ARHGAP35: variants seen among roughly 807,000 people sequenced by gnomAD.
ARHGAP35 encodes the protein rho GTPase-activating protein 35.
ARHGAP35 carries 15 observed loss-of-function variants against 111.1 expected under a neutral mutation model. That is an observed-to-expected ratio of 0.13 (90% CI 0.09 to 0.21). ARHGAP35 has a LOEUF of 0.21. Ranked by LOEUF, ARHGAP35 falls within the 10% of genes least tolerant of loss-of-function variation. The pLI, the probability that ARHGAP35 is intolerant of heterozygous loss-of-function variation, is 1.00. For missense variants in ARHGAP35, 1,262 were observed against 1,873.0 expected (o/e 0.67, Z 6.02); for synonymous variants, 643 against 710.3 (o/e 0.91, Z 1.51).
chr19:46,879,977 T>C (rs2055951535), intron 1 of ARHGAP35, among the ~76,000 whole-genome samples: 1 of 150,604 alleles, frequency 6.6e-6, no homozygotes, highest in Admixed American at 6.6e-5. Flanking sequence ...TCCCAGAAAC[T>C]TGGGAGGTTG....
At chr19:46,861,919 C>T (rs538519455) in intron 1 of ARHGAP35, among the ~76,000 whole-genome samples, 7 of 86,700 alleles carry the variant, frequency 8.1e-5, no homozygotes, top group African/African-American at 3.8e-4. Flanking sequence ...GCCCTACTAC[C>T]CGCATTTCTT....
chr19:46,933,490 C>T (rs2056285910), intron 2 of ARHGAP35, among the ~76,000 whole-genome samples: 1 of 151,966 alleles, frequency 6.6e-6, no homozygotes, highest in Non-Finnish European at 1.5e-5. Flanking sequence ...TTTATTTATT[C>T]TCTCCATCTC....
chr19:46,920,824 T>C lies in ARHGAP35; in HGVS notation c.2149T>C (p.Leu717=). 4 of 1,612,694 alleles carry C rather than the reference T, an allele frequency of 2.5e-6. No individual in the cohort carries two copies. The highest frequency in any genetic ancestry group is 3.4e-6 in the Non-Finnish European group (4 of 1,179,274). ...CACCAGTGGAGAGACTCTGCATAGCTTAATACAGCAAGGTCAACAAATTGC... is the reference window on the plus strand; with the variant it reads ...CACCAGTGGAGAGACTCTGCATAGCCTAATACAGCAAGGTCAACAAATTGC... ...GDTSGETLHS[L]IQQGQQIASK... Residue 717 remains leucine, a synonymous_variant, in exon 2 of 7, where the codon TTA becomes CTA. Transcript: ENST00000672722. This position sits in a 1 kb window ranked among gnomAD's most constrained non-coding sequence, Gnocchi z 7.0.
At chr19:46,910,688 C>T (rs1216507180) in intron 1 of ARHGAP35, among the ~76,000 whole-genome samples, 1 of 152,152 alleles carries the variant, frequency 6.6e-6, no homozygotes, top group East Asian at 1.9e-4. Context: ...CTCCTGTGCT[C>T]AAGTGATCCT....
chr19:46,889,777 G>C (rs1357189322), intron 1 of ARHGAP35, among the ~76,000 whole-genome samples: 1 of 144,698 alleles, frequency 6.9e-6, no homozygotes, highest in Non-Finnish European at 1.5e-5. Flanking sequence ...AAAAAGAGTA[G>C]AGGCCATTGT....
chr19:46,999,537 G>T lies in ARHGAP35; in HGVS notation c.4142+128G>T. 2 of 655,286 alleles carry T rather than the reference G, an allele frequency of 3.1e-6. No individual in the cohort carries two copies. The highest frequency in any genetic ancestry group is 5.2e-6 in the Non-Finnish European group (2 of 384,382). The allele number at this position is 655,286 out of a possible 1,614,324, so 40.6% of individuals were successfully genotyped here. On this transcript the variant is annotated intron_variant, in intron 6 of 6. Transcript: ENST00000672722. This position sits in a 1 kb window ranked among gnomAD's most constrained non-coding sequence, Gnocchi z 5.4. ...AGGCCCTGGCCTGGAAGGGGTGCTGGCTGGCCTCCCATGGTGCCCGCTGGT... is the reference window on the plus strand; with the variant it reads ...AGGCCCTGGCCTGGAAGGGGTGCTGTCTGGCCTCCCATGGTGCCCGCTGGT...
At chr19:46,978,593 TG>T (rs1184719981) in intron 3 of ARHGAP35, among the ~76,000 whole-genome samples, 80 of 77,900 alleles carry the variant, frequency 1.0e-3, no homozygotes, top group African/African-American at 3.0e-3. Flanking sequence ...GTGGGGCGTG[TG>T]GGGGGGGTGT....
Position 46,983,151 on chromosome 19 carries a change from G to T in ARHGAP35, c.3827-4838G>T, listed in dbSNP as rs375206287. 4.0e-5 allele frequency among the ~76,000 whole-genome samples: 6 copies of T among 148,178 alleles called. No individual in the cohort carries two copies. The East Asian group carries it at 1.2e-3, about 30-fold the overall frequency. On this transcript the variant is annotated intron_variant, in intron 3 of 6. Coordinates refer to ENST00000672722, the MANE Select transcript of ARHGAP35 (RefSeq NM_004491.5). ...TGGCTGGAGCCCCCGCACCTGCACC[G>T]TAACAGGCCCTCCAGGTGACTCTGC... is the stretch of plus-strand genomic sequence containing the variant.
In ARHGAP35 at chr19:46,875,402, C is replaced by T. The variant is rs201843629; in HGVS notation, c.-189+14193C>T. 1.1e-4 allele frequency among the ~76,000 whole-genome samples: 16 copies of T among 152,216 alleles called. No individual in the cohort carries two copies. The East Asian group carries it at 3.1e-3, about 29-fold the overall frequency. ...ATGACCTGACAGGTCAGTAGGAGCT[C>T]AGTCTTCATTGAATAAAAGTATGAG... On this transcript the variant is annotated intron_variant, in intron 1 of 6. Coordinates refer to ENST00000672722, the MANE Select transcript of ARHGAP35 (RefSeq NM_004491.5).
chr19:46,974,555 G>C (rs1216137381), intron 3 of ARHGAP35, among the ~76,000 whole-genome samples: 1 of 152,152 alleles, frequency 6.6e-6, no homozygotes, highest in Non-Finnish European at 1.5e-5. Context: ...GATTCACCAG[G>C]AGCTTCTGTG....
chr19:46,895,513 G>A (rs2056049993), intron 1 of ARHGAP35, among the ~76,000 whole-genome samples: 1 of 152,226 alleles, frequency 6.6e-6, no homozygotes, highest in South Asian at 2.1e-4. Context: ...GGGAAATTAA[G>A]AAAAGTGCAC....
intron 1 of ARHGAP35, among the ~76,000 whole-genome samples, chr19:46,916,078 G>A (rs1226985334): frequency 6.6e-6 from 1 of 151,902 alleles, no homozygotes; most frequent in African/African-American, 2.4e-5. Context: ...GGGACTACAG[G>A]TGCCCACCTC....
At chr19:46,973,262 C>T (rs1189910713) in intron 3 of ARHGAP35, among the ~76,000 whole-genome samples, 1 of 152,214 alleles carries the variant, frequency 6.6e-6, no homozygotes, top group Non-Finnish European at 1.5e-5. Context: ...ACTCAGGAGG[C>T]TGAGGCAGGA....
In ARHGAP35 at chr19:46,992,168, A is replaced by C. The variant is rs1442743929; in HGVS notation, c.4036+2493A>C. 6.6e-6 allele frequency among the ~76,000 whole-genome samples: 1 copy of C among 152,136 alleles called. No individual in the cohort carries two copies. The highest frequency in any genetic ancestry group is 2.4e-5 in the African/African-American group (1 of 41,394). On this transcript the variant is annotated intron_variant, in intron 5 of 6. Transcript: ENST00000672722. The surrounding 1 kb of genome is among the most constrained non-coding windows in gnomAD (Gnocchi z 4.4). ...CCTAGGCTGGGCCCGGCTCTCCACG[A>C]GGCACTTGATTCCCACCACTGATCT...
At chr19:46,924,082 CT>C (rs1368501120) in intron 2 of ARHGAP35, among the ~76,000 whole-genome samples, 2 of 152,126 alleles carry the variant, frequency 1.3e-5, no homozygotes, top group African/African-American at 2.4e-5. Context: ...CACGTTAAAG[CT>C]TTTGCTACTC....
At chr19:46,910,484 G>T (rs1013787931) in intron 1 of ARHGAP35, among the ~76,000 whole-genome samples, 1 of 151,058 alleles carries the variant, frequency 6.6e-6, no homozygotes, top group Admixed American at 6.6e-5. Flanking sequence ...GTATTTTGGG[G>T]TTTCACCATG....
intron 1 of ARHGAP35, among the ~76,000 whole-genome samples, chr19:46,877,052 C>A (rs913220094): frequency 1.3e-5 from 2 of 149,992 alleles, no homozygotes; most frequent in Admixed American, 1.3e-4. Context: ...GAGTTCGAGA[C>A]CAGCCTAACC....
At position 46,920,957 on chromosome 19, in the gene ARHGAP35, C is replaced by G; in HGVS notation, c.2282C>G (p.Ser761Cys). Residue 761 changes from serine to cysteine, a missense_variant, in exon 2 of 7, where the codon TCT becomes TGT. Ser to Cys is a moderately radical substitution (Grantham distance 112). Coordinates refer to ENST00000672722, the MANE Select transcript of ARHGAP35 (RefSeq NM_004491.5). The surrounding 1 kb of genome is among the most constrained non-coding windows in gnomAD (Gnocchi z 7.0). Reference sequence around the variant, plus strand: ...CAAGTTTTGAAGGGACTCCTGGACTCTAAGCGTAACTTAAACCTGGTCAGT... The same window carrying G: ...CAAGTTTTGAAGGGACTCCTGGACTGTAAGCGTAACTTAAACCTGGTCAGT... Reference protein sequence around the residue: ...ISQVLKGLLDSKRNLNLVSST... With the variant: ...ISQVLKGLLDCKRNLNLVSST... 2.5e-6 allele frequency: 4 copies of G among 1,613,976 alleles called. No individual in the cohort carries two copies. The highest frequency in any genetic ancestry group is 3.4e-6 in the Non-Finnish European group (4 of 1,179,876).
intron 3 of ARHGAP35, among the ~76,000 whole-genome samples, chr19:46,974,517 C>G (rs1433066404): frequency 1.3e-5 from 2 of 152,160 alleles, no homozygotes; most frequent in South Asian, 2.1e-4. Context: ...GGAAGAGATG[C>G]AAGGGACAGG....
Sources: gnomAD v4.1 joint callset for allele counts (sites outside exome capture counted in the v4.1 genomes callset) on GRCh38, gnomAD v4.1.1 for gene constraint, Gnocchi (gnomAD v3.1) non-coding constraint, MANE v1.5 for transcripts, NCBI Gene and HGNC (gene_info 2026-07-23, HGNC 2026-07-21) for gene names.